Variants in ZNF215 observed in about 807,000 individuals in gnomAD.
ZNF215 encodes BWSCR2-associated zinc finger protein 2.
Under a neutral mutation model 27.2 loss-of-function variants are expected in ZNF215, and 24 were observed. The ratio of observed to expected loss-of-function variants is 0.88; its 90% CI spans 0.64 to 1.24. The LOEUF is 1.24. Ranked by LOEUF, ZNF215 falls within the 50% of genes most tolerant of loss-of-function variation. ZNF215 has a pLI of 0.00. For synonymous variants in ZNF215, 210 were observed against 204.0 expected (o/e 1.03, Z -0.25); for missense variants, 675 against 605.7 (o/e 1.11, Z -1.20).
At chr11:6,973,978 G>A (rs766694835) in intron 5 of ZNF215, among the ~76,000 whole-genome samples, 13 of 152,134 alleles carry the variant, frequency 8.5e-5, no homozygotes, top group Non-Finnish European at 1.8e-4. Context: ...CCATTTCTAT[G>A]TACTGAATGG....
chr11:6,980,418 G>A (rs1298836012), intron 5 of ZNF215, among the ~76,000 whole-genome samples: 1 of 151,876 alleles, frequency 6.6e-6, no homozygotes, highest in African/African-American at 2.4e-5. Flanking sequence ...AGTTGCAATC[G>A]TTTAAAATAC....
intron 6 of ZNF215, among the ~76,000 whole-genome samples, chr11:6,947,059 C>T (rs182680157): frequency 6.6e-6 from 1 of 152,228 alleles, no homozygotes; most frequent in Non-Finnish European, 1.5e-5. Flanking sequence ...TTCATGGTGT[C>T]TGCCACACTT....
rs1850370475 is a variant in ZNF215, at chr11:6,956,622, T to G, written c.*91T>G. ...GCTGGATAAAATCTCATGAATATAA[T>G]GTAAGAAAACATTTGTCAGATTTTT... On this transcript the variant is annotated 3_prime_UTR_variant, in exon 7 of 7. Transcript: ENST00000278319. 6.9e-6 allele frequency: 10 copies of G among 1,439,450 alleles called. No homozygotes were observed. The highest frequency in any genetic ancestry group is 9.1e-7 in the Non-Finnish European group (1 of 1,102,732). 89.2% of individuals were successfully genotyped at this position (1,439,450 alleles called of 1,614,324 possible).
chr11:6,960,366 A>G (rs1470920519), downstream of ZNF215, among the ~76,000 whole-genome samples: 3 of 152,166 alleles, frequency 2.0e-5, no homozygotes, highest in Non-Finnish European at 4.4e-5. Flanking sequence ...AAGAATGCGC[A>G]GTCTGCATAA....
Position 6,932,645 on chromosome 11 carries a change from G to A in ZNF215, c.373G>A (p.Asp125Asn). 1 of 1,611,182 alleles carries A rather than the reference G, an allele frequency of 6.2e-7. No individual in the cohort carries two copies. The highest frequency in any genetic ancestry group is 8.5e-7 in the Non-Finnish European group (1 of 1,178,376). Reference sequence around the variant, plus strand: ...TAAAGATATGGTGACCCTCATAGAAGATGTGATTGAAATGCTTGAAGATGA... The same window carrying A: ...TAAAGATATGGTGACCCTCATAGAAAATGTGATTGAAATGCTTGAAGATGA... ...NSKDMVTLIE[D>N]VIEMLEDEDM... Residue 125 changes from aspartate to asparagine, a missense_variant, in exon 3 of 7, where the codon GAT becomes AAT. Transcript: ENST00000278319.
At chr11:6,953,841 C>G (rs1175179272) in intron 6 of ZNF215, among the ~76,000 whole-genome samples, 5 of 151,726 alleles carry the variant, frequency 3.3e-5, no homozygotes, top group African/African-American at 9.7e-5. Flanking sequence ...TTTTTCTGCT[C>G]TGTTTTTTCC....
At chr11:6,991,424 CG>C (rs1851116446), downstream of ZNF215, among the ~76,000 whole-genome samples, 2 of 152,214 alleles carry the variant, frequency 1.3e-5, no homozygotes, top group South Asian at 4.1e-4. Flanking sequence ...CACACACCGT[CG>C]GGGCTGGTAC....
At chr11:6,952,363 G>T (rs1474030557) in intron 6 of ZNF215, among the ~76,000 whole-genome samples, 1 of 152,166 alleles carries the variant, frequency 6.6e-6, no homozygotes, top group South Asian at 2.1e-4. Flanking sequence ...TATTGTGTGG[G>T]AGTCTAAGTC....
At chr11:6,988,384 C>G, downstream of ZNF215, 1 of 411,114 alleles carries the variant, frequency 2.4e-6, no homozygotes, top group South Asian at 1.0e-4. Flanking sequence ...GCTCTGTGAT[C>G]AGCCTCCTTT....
Position 6,950,902 on chromosome 11 carries a change from G to A in ZNF215, c.713-4788G>A, listed in dbSNP as rs1026195778. ...AATAGCTCTTATTATTTTGAGATAC[G>A]TCCCATCAATACCTAATTTATTGAG... On this transcript the variant is annotated intron_variant, in intron 6 of 6. Coordinates refer to ENST00000278319, the MANE Select transcript of ZNF215 (RefSeq NM_013250.4). 8.6e-4 allele frequency among the ~76,000 whole-genome samples: 131 copies of A among 151,772 alleles called. 1 individual carries two copies. Among genetic ancestry groups the A allele is most frequent in the African/African-American group, 2.9e-3 (121 of 41,328 alleles).
At position 6,956,464 on chromosome 11, in the gene ZNF215, G is replaced by T. The variant is rs151165650; in HGVS notation, c.1487G>T (p.Ser496Ile). The change falls in exon 7 of 7, where the codon AGT (serine) becomes ATT (isoleucine). Residue 496 changes from serine to isoleucine, a missense_variant. Ser to Ile is a moderately radical substitution (Grantham distance 142). Coordinates refer to ENST00000278319, the MANE Select transcript of ZNF215 (RefSeq NM_013250.4). ...AAACCATTCAAATGTAAGGAATGTAGTAAAGCCTTCAACAGGAGTTCAAAC... is the reference window on the plus strand; with the variant it reads ...AAACCATTCAAATGTAAGGAATGTATTAAAGCCTTCAACAGGAGTTCAAAC... ...GEKPFKCKEC[S>I]KAFNRSSNLV... is the part of the protein sequence containing the mutation. The T allele has an allele frequency of 3.6e-4, 589 of 1,613,832 alleles. 1 individual carries two copies. Among genetic ancestry groups the T allele is most frequent in the Non-Finnish European group, 4.6e-4 (545 of 1,179,954 alleles).
intron 6 of ZNF215, among the ~76,000 whole-genome samples, chr11:6,950,793 G>A (rs2133265972): frequency 6.8e-6 from 1 of 147,984 alleles, no homozygotes. Flanking sequence ...GTGAGAGAGG[G>A]CATCCCTGTC....
At chr11:6,938,355 A>G (rs924092993) in intron 3 of ZNF215, among the ~76,000 whole-genome samples, 8 of 152,088 alleles carry the variant, frequency 5.3e-5, no homozygotes, top group South Asian at 4.1e-4. Flanking sequence ...ATGTGGAGAA[A>G]TTGTTTGGAA....
In ZNF215 at chr11:6,982,491, G is replaced by T. The variant is rs1053532807; in HGVS notation, c.806-1638G>T. 7.2e-5 allele frequency among the ~76,000 whole-genome samples: 11 copies of T among 152,042 alleles called. No homozygotes were observed. The East Asian group carries it at 2.1e-3, about 29-fold the overall frequency. On this transcript the variant is annotated intron_variant, in intron 5 of 5. Coordinates refer to the ZNF215 transcript ENST00000529903. ...ACCACACCACACCTATTCCAAAATT[G>T]ACCACATACTTGGAAGTAAAGCTCT...
intron 3 of ZNF215, among the ~76,000 whole-genome samples, chr11:6,938,966 C>T (rs559220235): frequency 4.0e-5 from 6 of 151,706 alleles, no homozygotes; most frequent in South Asian, 2.1e-4. Context: ...ACTAGAGCCA[C>T]GATAGAATGG....
intron 5 of ZNF215, among the ~76,000 whole-genome samples, chr11:6,980,146 G>A (rs1850917903): frequency 6.6e-6 from 1 of 152,034 alleles, no homozygotes; most frequent in African/African-American, 2.4e-5. Flanking sequence ...AATCCCAGAA[G>A]CTATGTATGT....
At position 6,927,151 on chromosome 11, in the gene ZNF215, TG is replaced by T. The variant is rs1284157450; in HGVS notation, c.-326+468del. ...GCCTCATGGAAAAACCAAGCGTGACTGGATCAATCAACTGGGAAAGACAATG... is the reference window on the plus strand; with the variant it reads ...GCCTCATGGAAAAACCAAGCGTGACTGATCAATCAACTGGGAAAGACAATG... On this transcript the variant is annotated intron_variant, in intron 1 of 6. Coordinates refer to ENST00000278319, the MANE Select transcript of ZNF215 (RefSeq NM_013250.4). 9.2e-5 allele frequency among the ~76,000 whole-genome samples: 14 copies of T among 152,236 alleles called. No homozygotes were observed. In the South Asian group the frequency reaches 2.7e-3, roughly 29 times the overall value.
intron 5 of ZNF215, among the ~76,000 whole-genome samples, chr11:6,982,722 A>G (rs1850982166): frequency 6.6e-6 from 1 of 152,020 alleles, no homozygotes; most frequent in African/African-American, 2.4e-5. Flanking sequence ...GAACAAAGAC[A>G]CAACATACCA....
At chr11:6,947,454 T>C (rs1489416326) in intron 6 of ZNF215, among the ~76,000 whole-genome samples, 1 of 152,048 alleles carries the variant, frequency 6.6e-6, no homozygotes, top group Non-Finnish European at 1.5e-5. Context: ...GCTTGGAGGA[T>C]TGCTTGAGTT....
Sources: gnomAD v4.1 joint callset for allele counts (sites outside exome capture counted in the v4.1 genomes callset) on GRCh38, gnomAD v4.1.1 for gene constraint, MANE v1.5 for transcripts, NCBI Gene and HGNC (gene_info 2026-07-23, HGNC 2026-07-21) for gene names.